Variants in LRCH3 observed in about 807,000 individuals in gnomAD.
The protein encoded by LRCH3 is leucine rich repeats and calponin homology domain containing 3, also known as DISP complex protein LRCH3.
A neutral mutation model predicts 104.5 loss-of-function variants in LRCH3; 68 were observed. The observed-to-expected ratio is 0.65, with a 90% CI of 0.54 to 0.80. The LOEUF is 0.80. LRCH3 is among the 30% of genes least tolerant of loss of function. The pLI is 0.00. For synonymous variants in LRCH3, 344 were observed against 361.3 expected, an observed-to-expected ratio of 0.95 and a Z score of 0.54; for missense variants, 951 against 953.9, an observed-to-expected ratio of 1.00 and a Z score of 0.04.
chr3:197,864,784 G>T (rs1741286973), intron 15 of LRCH3, among the ~76,000 whole-genome samples: 1 of 150,618 alleles, frequency 6.6e-6, no homozygotes, highest in African/African-American at 2.4e-5. Flanking sequence ...ACTTTGGGAG[G>T]CTGAGGCGGG....
rs1735277985 is a variant in LRCH3, at chr3:197,826,992, C to T, written c.755C>T (p.Pro252Leu). 1.2e-6 allele frequency: 2 copies of T among 1,613,818 alleles called. No individual in the cohort carries two copies. Among genetic ancestry groups the T allele is most frequent in the Admixed American group, 3.3e-5 (2 of 59,948 alleles). The part of the protein sequence containing the change: ...HLQTITLDNN[P>L]LQSPPAQICI... ...CAGACGATCACCCTAGATAACAATCCACTACAATCACCTCCTGCACAGGTA... is the reference window on the plus strand; with the variant it reads ...CAGACGATCACCCTAGATAACAATCTACTACAATCACCTCCTGCACAGGTA... Residue 252 changes from proline (P) to leucine (L), a missense_variant, in exon 5 of 21, where the codon CCA (proline) becomes CTA (leucine). Transcript: ENST00000425562.
Position 197,881,800 on chromosome 3 carries a change from A to T in LRCH3, c.2209-1741A>T, listed in dbSNP as rs539288984. On this transcript the variant is annotated intron_variant, in intron 20 of 20. Transcript: ENST00000425562. ...TGTGAAGAGAGATTGTGAGGAGCAT[A>T]ATATCCGGTTTAGAATTCAGCCTGA... is the stretch of plus-strand genomic sequence containing the variant. 6 of 985,434 alleles carry T rather than the reference A, an allele frequency of 6.1e-6. No homozygotes were observed. The South Asian group carries it at 2.8e-4, about 46-fold the overall frequency. The allele number at this position is 985,434 out of a possible 1,614,324, so 61.0% of individuals were successfully genotyped here. A position where few individuals can be genotyped will look rare whatever the true frequency, so the allele number is the denominator to read the frequency against.
rs1466004215 is a variant in LRCH3 at position 197,883,217 on chromosome 3, T to C, written c.2209-324T>C. The C allele has an allele frequency of 9.7e-7, 1 of 1,032,920 alleles. No individual in the cohort carries two copies. Among genetic ancestry groups the C allele is most frequent in the Non-Finnish European group, 1.2e-6 (1 of 860,502 alleles). The allele number at this position is 1,032,920 out of a possible 1,614,324, so 64.0% of individuals were successfully genotyped here. ...CTATTTTATAGACCTGTATTGACCT[T>C]TTATTCATCAGGGATAAAGGATGTT... On this transcript the variant is annotated intron_variant, in intron 20 of 20. Coordinates refer to ENST00000425562, the MANE Select transcript of LRCH3 (RefSeq NM_001365715.1). This position sits in a 1 kb window ranked among gnomAD's most constrained non-coding sequence, Gnocchi z 4.2.
chr3:197,879,486 A>G (rs994756772), intron 20 of LRCH3, among the ~76,000 whole-genome samples: 2 of 151,180 alleles, frequency 1.3e-5, no homozygotes, highest in African/African-American at 4.9e-5. Flanking sequence ...CTCTACTAAA[A>G]ATACAAAAAA....
At chr3:197,819,799 A>C (rs1195194303) in intron 3 of LRCH3, among the ~76,000 whole-genome samples, 1 of 152,170 alleles carries the variant, frequency 6.6e-6, no homozygotes, top group Non-Finnish European at 1.5e-5. Flanking sequence ...TATTTTCTCT[A>C]AGGATACTTT....
In LRCH3 at chr3:197,827,026, T is replaced by C; in HGVS notation, c.777+12T>C. 1 of 1,555,634 alleles carries C rather than the reference T, an allele frequency of 6.4e-7. No individual in the cohort carries two copies. Among genetic ancestry groups the C allele is most frequent in the Non-Finnish European group, 8.6e-7 (1 of 1,156,330 alleles). On this transcript the variant is annotated intron_variant, in intron 5 of 20. Coordinates refer to ENST00000425562, the MANE Select transcript of LRCH3 (RefSeq NM_001365715.1). ...CACCTCCTGCACAGGTAAACCATAG[T>C]GGAAGCATCAGGTAAACCATGGTGG...
At chr3:197,871,238 T>G (rs1294145851) in intron 18 of LRCH3, 87 bp from the exon 19 acceptor site, 6 of 1,092,442 alleles carry the variant, frequency 5.5e-6, no homozygotes, top group Non-Finnish European at 5.4e-6. Flanking sequence ...TTATCTTGAT[T>G]TTTAATTAGA....
rs188760313 is a variant in LRCH3, at chr3:197,809,963, A to T, written c.263-4945A>T. Among the ~76,000 whole-genome samples, 64 of 152,158 alleles carry T rather than the reference A, an allele frequency of 4.2e-4. 1 individual carries two copies. The Middle Eastern group carries it at 0.01, about 24-fold the overall frequency. On this transcript the variant is annotated intron_variant, in intron 1 of 20. Transcript: ENST00000425562. The stretch of plus-strand genomic sequence containing the variant: ...TTCAGTTGTGCATTTTGGGGATTAT[A>T]AGAGTCATTACAGTCTGGCAAGGAT...
chr3:197,841,698 A>G (rs955097801), intron 10 of LRCH3, among the ~76,000 whole-genome samples: 1 of 152,154 alleles, frequency 6.6e-6, no homozygotes, highest in African/African-American at 2.4e-5. Context: ...CACCTTAGCA[A>G]TACATTTTAA....
rs756796715 is a variant in LRCH3, at chr3:197,887,748, C to CT, written c.*4082_*4083insT. The CT allele has an allele frequency of 7.3e-5, 7 of 96,464 alleles. No individual in the cohort carries two copies. Among genetic ancestry groups the CT allele is most frequent in the South Asian group, 2.9e-4 (1 of 3,418 alleles). The allele number at this position is 96,464 out of a possible 1,614,324, so 6.0% of individuals were successfully genotyped here. A position where few individuals can be genotyped will look rare whatever the true frequency, so the allele number is the denominator to read the frequency against. On this transcript the variant is annotated 3_prime_UTR_variant, in exon 21 of 21. Transcript: ENST00000425562. The stretch of plus-strand genomic sequence containing the variant: ...ACAGTGTCTGGGGCTGAGAGCCCCC[C>CT]AGCAGAGCCCTTCCCATCACTGACA...
At chr3:197,841,402 T>C (rs1201139250) in intron 10 of LRCH3, among the ~76,000 whole-genome samples, 1 of 152,244 alleles carries the variant, frequency 6.6e-6, no homozygotes, top group Non-Finnish European at 1.5e-5. Flanking sequence ...CTCCTTATGT[T>C]TGGAATCTTT....
At chr3:197,826,761 C>A in intron 4 of LRCH3, 117 bp from the exon 5 acceptor site, 1 of 1,298,612 alleles carries the variant, frequency 7.7e-7, no homozygotes, top group Non-Finnish European at 1.1e-6. Context: ...CAGTTAATCA[C>A]TAAAAGAGAA....
intron 4 of LRCH3, chr3:197,823,469 T>C (rs1243642626): frequency 6.6e-6 from 1 of 152,028 alleles, no homozygotes; most frequent in Non-Finnish European, 1.5e-5. Flanking sequence ...GCCAAAAGTA[T>C]GTACCTTCAT....
At chr3:197,873,509 C>A (rs954382836) in intron 19 of LRCH3, among the ~76,000 whole-genome samples, 1 of 151,950 alleles carries the variant, frequency 6.6e-6, no homozygotes, top group African/African-American at 2.4e-5. Context: ...GAGAAGGAGA[C>A]AAGCAGGAGG....
chr3:197,870,183 T>TCTG lies in LRCH3; in HGVS notation c.1902_1904dup (p.Ala635dup). ...AGGTCATGCTTCACCCCTTCCTCCA[T>TCTG]CTGCTGCACCTACCACTGATTCTAC... On this transcript the variant is annotated inframe_insertion, in exon 18 of 21. Transcript: ENST00000425562. 6.2e-7 allele frequency: 1 copy of TCTG among 1,613,008 alleles called. No homozygotes were observed. The highest frequency in any genetic ancestry group is 1.1e-5 in the South Asian group (1 of 91,052).
At chr3:197,851,012 C>T (rs1165651308) in intron 12 of LRCH3, 2 of 769,886 alleles carry the variant, frequency 2.6e-6, no homozygotes, top group Non-Finnish European at 4.8e-6. Context: ...TTTTTATGAA[C>T]AAGGAAACAC....
chr3:197,834,908 C>T (rs1183385893), intron 8 of LRCH3, among the ~76,000 whole-genome samples: 8 of 152,112 alleles, frequency 5.3e-5, no homozygotes, highest in African/African-American at 1.7e-4. Context: ...CTTTGGGTGG[C>T]CACAGTGGGC....
At chr3:197,804,513 C>A (rs535027749) in intron 1 of LRCH3, among the ~76,000 whole-genome samples, 2 of 152,268 alleles carry the variant, frequency 1.3e-5, no homozygotes, top group South Asian at 4.1e-4. Context: ...TGCAGAAATC[C>A]CATCGTGTAT....
chr3:197,839,323 T>C lies in LRCH3; in HGVS notation c.1254T>C (p.Gly418=). ...TTTATTTCTGTCCTCTGGCCTAGGG[T>C]TCACCAGTAAAGCCAGTAGCCATTA... ...YIEQRRISHE[G]SPVKPVAIRE... is the part of the protein sequence containing the mutation. Residue 418 remains glycine, a splice_region_variant and synonymous_variant, in exon 10 of 21, where the codon GGT becomes GGC. Coordinates refer to ENST00000425562, the MANE Select transcript of LRCH3 (RefSeq NM_001365715.1). 1 of 1,590,460 alleles carries C rather than the reference T, an allele frequency of 6.3e-7. No individual in the cohort carries two copies. The highest frequency in any genetic ancestry group is 8.5e-7 in the Non-Finnish European group (1 of 1,170,118).
Sources: gnomAD v4.1 joint callset for allele counts (sites outside exome capture counted in the v4.1 genomes callset) on GRCh38, gnomAD v4.1.1 for gene constraint, Gnocchi (gnomAD v3.1) non-coding constraint, MANE v1.5 for transcripts, NCBI Gene and HGNC (gene_info 2026-07-23, HGNC 2026-07-21) for gene names.